The following NELL1 variants were observed in gnomAD, a reference collection of about 807,000 sequenced individuals.
NELL1 encodes neural EGFL like 1.
Under a neutral mutation model 107.4 loss-of-function variants are expected in NELL1, and 76 were observed. The observed-to-expected ratio is 0.71, with a 90% CI of 0.59 to 0.86. The LOEUF (loss-of-function observed/expected upper bound fraction) is 0.86. NELL1 is among the 40% of genes least tolerant of loss of function. The pLI is 0.00. For synonymous variants in NELL1, 353 were observed against 341.2 expected, an observed-to-expected ratio of 1.03 and a Z score of -0.38; for missense variants, 1,024 against 1,005.5, an observed-to-expected ratio of 1.02 and a Z score of -0.25.
intron 15 of NELL1, among the ~76,000 whole-genome samples, chr11:21,442,494 T>TA (rs1434546269): frequency 6.6e-6 from 1 of 152,176 alleles, no homozygotes; most frequent in Non-Finnish European, 1.5e-5. Flanking sequence ...CAGACTAAAT[T>TA]AACCATAATT....
chr11:20,964,633 C>T (rs1036745908), intron 12 of NELL1, among the ~76,000 whole-genome samples: 1 of 152,186 alleles, frequency 6.6e-6, no homozygotes, highest in African/African-American at 2.4e-5. Context: ...TTCTGCCTGA[C>T]TTAAATGCTC....
chr11:21,236,162 A>G (rs1216432930), intron 14 of NELL1, among the ~76,000 whole-genome samples: 3 of 152,110 alleles, frequency 2.0e-5, no homozygotes. Flanking sequence ...TTCATCCCTC[A>G]CAGTCCAGCT....
chr11:21,113,143 G>A (rs986573775), intron 12 of NELL1, among the ~76,000 whole-genome samples: 10 of 151,822 alleles, frequency 6.6e-5, no homozygotes, highest in South Asian at 2.1e-4. Context: ...ATTTTGTAGC[G>A]TTTGAATTGA....
At chr11:21,349,168 G>GA (rs60973073) in intron 14 of NELL1, among the ~76,000 whole-genome samples, 6 of 151,328 alleles carry the variant, frequency 4.0e-5, no homozygotes, top group East Asian at 3.9e-4. Flanking sequence ...ATAACAAGAG[G>GA]AAAAAAAAAT....
chr11:20,820,624 A>G (rs900144907), intron 3 of NELL1, among the ~76,000 whole-genome samples: 4 of 151,934 alleles, frequency 2.6e-5, no homozygotes, highest in African/African-American at 9.7e-5. Flanking sequence ...CTACATTGTC[A>G]CTGAGCTCAG....
At chr11:20,730,019 A>C (rs908940) in intron 2 of NELL1, among the ~76,000 whole-genome samples, 15,084 of 152,164 alleles carry the variant, frequency 0.099, 1,758 homozygotes, top group African/African-American at 0.28. Flanking sequence ...ATTTCCAAGG[A>C]GGACACTTGG....
chr11:21,552,800 C>T (rs1183360623), intron 16 of NELL1, among the ~76,000 whole-genome samples: 3 of 151,796 alleles, frequency 2.0e-5, no homozygotes, highest in Non-Finnish European at 4.4e-5. Flanking sequence ...TGTTTTTCTT[C>T]TCTGCAGATG....
chr11:20,739,506 T>C (rs971807003), intron 2 of NELL1, among the ~76,000 whole-genome samples: 2 of 152,230 alleles, frequency 1.3e-5, no homozygotes, highest in Non-Finnish European at 2.9e-5. Context: ...TGCCTGTATT[T>C]ACATTTTCTG....
Position 20,718,740 on chromosome 11 carries a change from A to G in NELL1, c.184+40680A>G, listed in dbSNP as rs139053717. 1.1e-4 allele frequency among the ~76,000 whole-genome samples: 17 copies of G among 152,284 alleles called. No individual in the cohort carries two copies. In the East Asian group the frequency reaches 2.1e-3, roughly 19 times the overall value. On this transcript the variant is annotated intron_variant, in intron 2 of 19. Transcript: ENST00000357134. Reference sequence around the variant, plus strand: ...TTCGTTAGTCTGGATTCTAGAACTTAAGGCTCTAGAACTCAGCCCCAGTAC... The same window carrying G: ...TTCGTTAGTCTGGATTCTAGAACTTGAGGCTCTAGAACTCAGCCCCAGTAC...
At chr11:21,567,934 G>A (rs141019899) in intron 17 of NELL1, among the ~76,000 whole-genome samples, 1 of 151,740 alleles carries the variant, frequency 6.6e-6, no homozygotes, top group Admixed American at 6.6e-5. Context: ...GATGAGATAA[G>A]GCTTAATGAG....
intron 14 of NELL1, among the ~76,000 whole-genome samples, chr11:21,334,491 C>T (rs1041334276): frequency 2.0e-5 from 3 of 151,858 alleles, no homozygotes; most frequent in African/African-American, 7.2e-5. Context: ...GATAATACCC[C>T]CACCTAAAGA....
chr11:21,304,031 A>G (rs1475832755), intron 14 of NELL1, among the ~76,000 whole-genome samples: 2 of 151,902 alleles, frequency 1.3e-5, no homozygotes, highest in African/African-American at 4.8e-5. Context: ...CCCAGTGGCC[A>G]CTCCTCTTAA....
chr11:21,557,968 A>T (rs1856762503), intron 16 of NELL1, among the ~76,000 whole-genome samples: 1 of 152,066 alleles, frequency 6.6e-6, no homozygotes. Context: ...GGAGGTAGAC[A>T]AGTTAAACAC....
At chr11:20,943,255 A>G (rs909705354) in intron 10 of NELL1, among the ~76,000 whole-genome samples, 1 of 152,162 alleles carries the variant, frequency 6.6e-6, no homozygotes, top group African/African-American at 2.4e-5. Context: ...ATAATTTTTA[A>G]TATTTCTTGA....
intron 11 of NELL1, among the ~76,000 whole-genome samples, chr11:20,955,198 C>G (rs916931170): frequency 1.3e-5 from 2 of 152,144 alleles, no homozygotes; most frequent in African/African-American, 4.8e-5. Context: ...CTCTCAAGCC[C>G]TTATAGAAGT....
At chr11:20,918,410 T>C (rs919693004) in intron 6 of NELL1, among the ~76,000 whole-genome samples, 156 bp downstream of exon 6, 1 of 152,014 alleles carries the variant, frequency 6.6e-6, no homozygotes, top group African/African-American at 2.4e-5. Flanking sequence ...TATATAATTC[T>C]GTGTCTTTAA....
intron 12 of NELL1, among the ~76,000 whole-genome samples, chr11:20,973,619 A>G (rs1248181011): frequency 1.3e-5 from 2 of 152,222 alleles, no homozygotes; most frequent in African/African-American, 2.4e-5. Flanking sequence ...TTGGCATCTC[A>G]TAGATATATC....
intron 12 of NELL1, among the ~76,000 whole-genome samples, chr11:21,095,068 C>T (rs1465692046): frequency 4.6e-5 from 7 of 152,198 alleles, no homozygotes. Flanking sequence ...AGCCAAGTCA[C>T]CTCTTGAATG....
At chr11:21,485,399 C>T (rs77941947) in intron 15 of NELL1, among the ~76,000 whole-genome samples, 31 of 152,094 alleles carry the variant, frequency 2.0e-4, no homozygotes, top group African/African-American at 6.5e-4. Flanking sequence ...TGAGAGTGGC[C>T]CCCATCCTCC....
Sources: allele counts gnomAD v4.1 joint callset (sites outside exome capture counted in the v4.1 genomes callset), GRCh38; gene constraint gnomAD v4.1.1; transcripts MANE v1.5; gene names NCBI Gene and HGNC (gene_info 2026-07-23, HGNC 2026-07-21).